Variants in LHFPL6 observed in about 807,000 individuals in gnomAD.
LHFPL6 encodes LHFPL tetraspan subfamily member 6 protein.
A neutral mutation model predicts 20.6 loss-of-function variants in LHFPL6; 9 were observed. That is an observed-to-expected ratio of 0.44 (90% CI 0.26 to 0.76). The LOEUF (loss-of-function observed/expected upper bound fraction) is 0.76, where lower values mean the gene tolerates loss of function less well. Ranked by LOEUF, LHFPL6 falls within the 30% of genes least tolerant of loss-of-function variation. The pLI, the probability that LHFPL6 is intolerant of heterozygous loss-of-function variation, is 0.20. For missense variants in LHFPL6, 218 were observed against 253.5 expected (o/e 0.86, Z 0.95); for synonymous variants, 105 against 98.7 (o/e 1.06, Z -0.38).
At chr13:39,497,672 C>T (rs73464814) in intron 2 of LHFPL6, among the ~76,000 whole-genome samples, 2,401 of 152,136 alleles carry the variant, frequency 0.016, 64 homozygotes, top group African/African-American at 0.054. Flanking sequence ...AACTGATAAG[C>T]CTTTCTGCTT....
chr13:39,350,297 A>G (rs1003180176), intron 3 of LHFPL6, among the ~76,000 whole-genome samples: 2 of 152,240 alleles, frequency 1.3e-5, no homozygotes, highest in African/African-American at 2.4e-5. Flanking sequence ...GAATTCTGTG[A>G]GAGATTAAAG....
chr13:39,518,008 C>T (rs1869981365), intron 2 of LHFPL6, among the ~76,000 whole-genome samples: 1 of 152,204 alleles, frequency 6.6e-6, no homozygotes, highest in Non-Finnish European at 1.5e-5. Context: ...GCTGGGATTC[C>T]AATCTCCACA....
At chr13:39,575,861 G>A (rs1006951999) in intron 2 of LHFPL6, among the ~76,000 whole-genome samples, 2 of 152,160 alleles carry the variant, frequency 1.3e-5, no homozygotes, top group Non-Finnish European at 2.9e-5. Flanking sequence ...TTGACGTTCA[G>A]CAGCTGAAGG....
intron 3 of LHFPL6, among the ~76,000 whole-genome samples, chr13:39,352,092 A>G (rs1162649452): frequency 3.3e-5 from 5 of 152,242 alleles, no homozygotes; most frequent in African/African-American, 9.6e-5. Flanking sequence ...TGACAGCCCC[A>G]ATTCCTGAGG....
chr13:39,426,702 G>A (rs1182973714), intron 2 of LHFPL6, among the ~76,000 whole-genome samples: 4 of 151,952 alleles, frequency 2.6e-5, no homozygotes, highest in Admixed American at 6.6e-5. Flanking sequence ...TCTATTGTAC[G>A]TACATAAAAT....
chr13:39,563,101 C>G (rs1029780227), intron 2 of LHFPL6, among the ~76,000 whole-genome samples: 1 of 57,666 alleles, frequency 1.7e-5, no homozygotes. Context: ...AACACACACA[C>G]ACACACACAC....
At chr13:39,602,058 T>C (rs1179256492) in intron 1 of LHFPL6, among the ~76,000 whole-genome samples, 1 of 152,256 alleles carries the variant, frequency 6.6e-6, no homozygotes, top group Non-Finnish European at 1.5e-5. Context: ...TTTTGATTCA[T>C]TGATTCCAAC....
intron 2 of LHFPL6, among the ~76,000 whole-genome samples, chr13:39,536,914 G>T (rs914698281): frequency 6.6e-6 from 1 of 152,118 alleles, no homozygotes; most frequent in Non-Finnish European, 1.5e-5. Flanking sequence ...TTCAACTCCT[G>T]ACCCTTAGCT....
At chr13:39,535,314 C>A (rs1870583016) in intron 2 of LHFPL6, among the ~76,000 whole-genome samples, 1 of 152,232 alleles carries the variant, frequency 6.6e-6, no homozygotes, top group African/African-American at 2.4e-5. Flanking sequence ...TCATCACACA[C>A]AACATTTTAT....
At chr13:39,489,319 C>T (rs1474125994) in intron 2 of LHFPL6, among the ~76,000 whole-genome samples, 2 of 152,128 alleles carry the variant, frequency 1.3e-5, no homozygotes. Flanking sequence ...GAGCACGAAC[C>T]TGGAAGTCAG....
intron 2 of LHFPL6, among the ~76,000 whole-genome samples, chr13:39,523,573 G>C (rs1453598415): frequency 1.3e-5 from 2 of 151,370 alleles, no homozygotes; most frequent in Admixed American, 6.6e-5. Context: ...AAAAATGGTA[G>C]TGTAGGCTTA....
intron 2 of LHFPL6, among the ~76,000 whole-genome samples, chr13:39,510,802 A>C (rs1869669824): frequency 6.6e-6 from 1 of 152,208 alleles, no homozygotes; most frequent in South Asian, 2.1e-4. Context: ...ATTGAAGAGG[A>C]AAACTACAGT....
At chr13:39,465,615 C>T (rs1243866081) in intron 2 of LHFPL6, among the ~76,000 whole-genome samples, 1 of 152,100 alleles carries the variant, frequency 6.6e-6, no homozygotes, top group Non-Finnish European at 1.5e-5. Context: ...AGTAGGGCTG[C>T]TTGTCTGGAA....
intron 2 of LHFPL6, among the ~76,000 whole-genome samples, chr13:39,483,296 T>C (rs1868600679): frequency 6.6e-6 from 1 of 152,116 alleles, no homozygotes; most frequent in Non-Finnish European, 1.5e-5. Flanking sequence ...GTACCCTCCT[T>C]GGCTATTTCT....
chr13:39,594,945 C>T (rs1872722338), intron 2 of LHFPL6, among the ~76,000 whole-genome samples: 1 of 152,140 alleles, frequency 6.6e-6, no homozygotes, highest in South Asian at 2.1e-4. Flanking sequence ...GGAAGGGGAA[C>T]ATCACATACC....
At chr13:39,371,078 T>C (rs182771039) in intron 3 of LHFPL6, among the ~76,000 whole-genome samples, 1 of 152,242 alleles carries the variant, frequency 6.6e-6, no homozygotes, top group Non-Finnish European at 1.5e-5. Flanking sequence ...CTTCCTTTGA[T>C]TGAAAATTGG....
chr13:39,458,712 A>G (rs758359580), intron 2 of LHFPL6, among the ~76,000 whole-genome samples: 95 of 151,032 alleles, frequency 6.3e-4, no homozygotes, highest in Admixed American at 9.9e-4. Context: ...AAAAAAAGGC[A>G]AGCAGAGTCC....
At chr13:39,534,041 A>G (rs1270946858) in intron 2 of LHFPL6, among the ~76,000 whole-genome samples, 1 of 152,154 alleles carries the variant, frequency 6.6e-6, no homozygotes, top group Non-Finnish European at 1.5e-5. Flanking sequence ...TTCCTGGCAT[A>G]AGTTCTGTAG....
intron 2 of LHFPL6, among the ~76,000 whole-genome samples, chr13:39,421,240 A>G (rs1358278146): frequency 6.6e-6 from 1 of 152,238 alleles, no homozygotes; most frequent in Non-Finnish European, 1.5e-5. Context: ...ATGCTCAGGT[A>G]TCATATTTGC....
Sources: allele counts gnomAD v4.1 joint callset (sites outside exome capture counted in the v4.1 genomes callset), GRCh38; gene constraint gnomAD v4.1.1; transcripts MANE v1.5; gene names NCBI Gene and HGNC (gene_info 2026-07-23, HGNC 2026-07-21).